The following PRKN variants were observed in gnomAD, a reference collection of about 807,000 sequenced individuals.
PRKN encodes the protein E3 ubiquitin-protein ligase parkin.
Under a neutral mutation model 59.5 loss-of-function variants are expected in PRKN, and 56 were observed. That is an observed-to-expected ratio of 0.94 (90% confidence interval 0.76 to 1.18). The LOEUF (loss-of-function observed/expected upper bound fraction) is 1.18, where lower values mean the gene tolerates loss of function less well. Among genes scored for constraint, PRKN ranks in the 50% most tolerant of loss-of-function variants. The pLI is 0.00. For synonymous variants in PRKN, 250 were observed against 222.1 expected, an observed-to-expected ratio of 1.13 and a Z score of -1.12; for missense variants, 657 against 596.4, an observed-to-expected ratio of 1.10 and a Z score of -1.06.
chr6:162,055,944 C>T (rs536466445), intron 4 of PRKN, among the ~76,000 whole-genome samples: 2 of 152,146 alleles, frequency 1.3e-5, no homozygotes, highest in South Asian at 2.1e-4. Flanking sequence ...TGCACACACA[C>T]ATGCATGCCA....
At chr6:162,118,183 G>C (rs1050619257) in intron 4 of PRKN, among the ~76,000 whole-genome samples, 4 of 152,008 alleles carry the variant, frequency 2.6e-5, no homozygotes, top group African/African-American at 9.7e-5. Flanking sequence ...AGGCCGAGGC[G>C]GGTGGATCAT....
intron 1 of PRKN, among the ~76,000 whole-genome samples, chr6:162,586,997 T>C (rs1781087062): frequency 6.6e-6 from 1 of 152,190 alleles, no homozygotes; most frequent in Non-Finnish European, 1.5e-5. Flanking sequence ...AGGTAAGCTA[T>C]ATAGTTAAAA....
intron 5 of PRKN, among the ~76,000 whole-genome samples, chr6:161,982,185 A>C (rs1781284645): frequency 6.6e-6 from 1 of 152,196 alleles, no homozygotes; most frequent in Non-Finnish European, 1.5e-5. Context: ...GAGATTGTTA[A>C]AGAAGATGTT....
intron 6 of PRKN, among the ~76,000 whole-genome samples, chr6:161,811,951 A>T (rs567029915): frequency 3.3e-4 from 50 of 151,634 alleles, no homozygotes; most frequent in South Asian, 2.3e-3. Flanking sequence ...AATAAAAATT[A>T]AAAAAAAATC....
At chr6:162,454,569 C>A (rs1790774764) in intron 1 of PRKN, among the ~76,000 whole-genome samples, 1 of 152,180 alleles carries the variant, frequency 6.6e-6, no homozygotes, top group African/African-American at 2.4e-5. Context: ...AATCTTGGGT[C>A]CTAAACTCCC....
intron 1 of PRKN, among the ~76,000 whole-genome samples, chr6:162,615,576 T>C (rs1029660364): frequency 5.9e-5 from 9 of 152,140 alleles, no homozygotes; most frequent in Non-Finnish European, 1.2e-4. Context: ...GTCAAAAGTC[T>C]CCTAGCAACT....
intron 1 of PRKN, among the ~76,000 whole-genome samples, chr6:162,490,808 C>T (rs552768083): frequency 3.9e-5 from 6 of 152,280 alleles, no homozygotes; most frequent in Non-Finnish European, 8.8e-5. Context: ...ATCCAGACCT[C>T]AGCACTGCCC....
chr6:162,647,777 C>T (rs1778240962), intron 1 of PRKN, among the ~76,000 whole-genome samples: 2 of 152,002 alleles, frequency 1.3e-5, no homozygotes, highest in East Asian at 1.9e-4. Context: ...CTGATCACAA[C>T]CTCACAATTT....
intron 1 of PRKN, among the ~76,000 whole-genome samples, chr6:162,603,673 A>C (rs920533820): frequency 1.3e-5 from 2 of 152,222 alleles, no homozygotes; most frequent in Admixed American, 1.3e-4. Context: ...TTGAAATTGC[A>C]AAAGAAAAGT....
At chr6:161,947,725 A>G (rs1393887776) in intron 6 of PRKN, among the ~76,000 whole-genome samples, 1 of 152,226 alleles carries the variant, frequency 6.6e-6, no homozygotes, top group Non-Finnish European at 1.5e-5. Context: ...TTTCACATCA[A>G]AAGATGATTT....
At chr6:161,888,467 A>G (rs547778800) in intron 6 of PRKN, among the ~76,000 whole-genome samples, 3 of 152,128 alleles carry the variant, frequency 2.0e-5, no homozygotes, top group East Asian at 3.9e-4. Context: ...CCATCCTCTC[A>G]ACTTTGCCCA....
At chr6:162,569,298 G>A (rs755708732) in intron 1 of PRKN, 19 of 607,560 alleles carry the variant, frequency 3.1e-5, no homozygotes, top group African/African-American at 2.7e-4. Context: ...GTCAAGCAGC[G>A]TGGGGAGCTG....
intron 6 of PRKN, among the ~76,000 whole-genome samples, chr6:161,915,813 G>T (rs531565351): frequency 2.0e-5 from 3 of 152,102 alleles, no homozygotes; most frequent in Non-Finnish European, 2.9e-5. Context: ...ATAGCATTGC[G>T]GTTCAGAAAC....
chr6:162,635,368 C>T lies in PRKN; in HGVS notation c.7+92294G>A, dbSNP rs571401013. Among the ~76,000 whole-genome samples the T allele has an allele frequency of 2.3e-4, 35 of 152,278 alleles. 1 individual carries two copies. In the South Asian group the frequency reaches 4.6e-3, roughly 20 times the overall value. On this transcript the variant is annotated intron_variant, in intron 1 of 11. Transcript: ENST00000366898. ...AAATTAGAAGTCTTTAAAATCAAAT[C>T]AGTGCAATGAAATGTTTGGCTTTTA...
At chr6:162,299,483 C>A (rs1346045518) in intron 2 of PRKN, among the ~76,000 whole-genome samples, 1 of 152,062 alleles carries the variant, frequency 6.6e-6, no homozygotes, top group Non-Finnish European at 1.5e-5. Context: ...CCCAAGTGTT[C>A]AGTGGCTTCA....
Position 162,054,106 on chromosome 6 carries a change from G to T in PRKN, c.603C>A (p.Cys201Ter), listed in dbSNP as rs888068912. ...RMSGECQSPH[C>*]PGTSAEFFFK... ...AGGTACTTACTGCACTAGTCCCAGGGCAGTGTGGGGATTGGCATTCACCAC... is the reference window on the plus strand; with the variant it reads ...AGGTACTTACTGCACTAGTCCCAGGTCAGTGTGGGGATTGGCATTCACCAC... Residue 201 changes from cysteine (C) to a stop codon, truncating the protein, a stop_gained, in exon 5 of 12, where the codon TGC (cysteine) becomes TGA (stop). Coordinates refer to ENST00000366898, the MANE Select transcript of PRKN (RefSeq NM_004562.3). LOFTEE classifies it high-confidence loss of function. 2 of 1,608,954 alleles carry T rather than the reference G, an allele frequency of 1.2e-6. No individual in the cohort carries two copies. Among genetic ancestry groups the T allele is most frequent in the African/African-American group, 2.7e-5 (2 of 74,916 alleles).
At chr6:162,244,583 C>T (rs979149597) in intron 3 of PRKN, among the ~76,000 whole-genome samples, 15 of 151,942 alleles carry the variant, frequency 9.9e-5, no homozygotes, top group African/African-American at 2.7e-4. Flanking sequence ...TATGCATTCA[C>T]GCCAAATGAA....
intron 7 of PRKN, among the ~76,000 whole-genome samples, chr6:161,690,892 C>G (rs768137116): frequency 1.3e-5 from 2 of 152,140 alleles, no homozygotes; most frequent in East Asian, 1.9e-4. Context: ...CCTCCATAAA[C>G]GCAAGAACCA....
chr6:161,820,501 C>T (rs1198320302), intron 6 of PRKN, among the ~76,000 whole-genome samples: 2 of 146,916 alleles, frequency 1.4e-5, no homozygotes, highest in East Asian at 2.0e-4. Context: ...ATAATATATA[C>T]TATGTAATTT....
Sources: gnomAD v4.1 joint callset for allele counts (sites outside exome capture counted in the v4.1 genomes callset) on GRCh38, gnomAD v4.1.1 for gene constraint, MANE v1.5 for transcripts, NCBI Gene and HGNC (gene_info 2026-07-23, HGNC 2026-07-21) for gene names.